Variants in RCC2 observed in about 807,000 individuals in gnomAD.
RCC2 encodes protein RCC2.
In RCC2, 19 loss-of-function variants were observed where a neutral mutation model predicts 64.1. That is an observed-to-expected ratio of 0.30 (90% CI 0.21 to 0.44). RCC2 has a LOEUF of 0.44. RCC2 is among the 20% of genes least tolerant of loss of function. RCC2 has a pLI of 1.00. For missense variants in RCC2, 508 were observed against 710.4 expected (o/e 0.72, Z 3.24); for synonymous variants, 325 against 279.6 (o/e 1.16, Z -1.62).
At position 17,413,561 on chromosome 1, in the gene RCC2, A is replaced by C. The variant is rs765036263; in HGVS notation, c.1183T>G (p.Cys395Gly). 9 of 1,613,930 alleles carry C rather than the reference A, an allele frequency of 5.6e-6. No individual in the cohort carries two copies. Among genetic ancestry groups the C allele is most frequent in the Middle Eastern group, 1.6e-4 (1 of 6,080 alleles). The change falls in exon 9 of 13, where the codon TGC (cysteine) becomes GGC (glycine). Residue 395 changes from cysteine (C) to glycine (G), a missense_variant. This residue lies in a region of RCC2 where 179 missense variants were observed against 322.0 expected (regional missense o/e 0.56). Transcript: ENST00000375436. ...CCCACTTCACTGACAGCAAAGGAGC[A>C]GGTGTAACCAGCATAGATCTGGGAA... is the stretch of plus-strand genomic sequence containing the variant. ...GASQIYAGYT[C>G]SFAVSEVGGL...
intron 2 of RCC2, among the ~76,000 whole-genome samples, chr1:17,430,389 G>GTCCCAGTTA (rs925150704): frequency 9.2e-5 from 14 of 152,054 alleles, no homozygotes; most frequent in African/African-American, 3.4e-4. Context: ...TACTTGGGAG[G>GTCCCAGTTA]CTGAGGTGGG....
intron 11 of RCC2, among the ~76,000 whole-genome samples, chr1:17,411,113 G>C (rs1007387305): frequency 1.3e-5 from 2 of 152,074 alleles, no homozygotes; most frequent in African/African-American, 4.8e-5. Flanking sequence ...AACCACAAGA[G>C]TACCTTGCAA....
chr1:17,435,402 G>A (rs947608114), intron 2 of RCC2, among the ~76,000 whole-genome samples: 8 of 152,330 alleles, frequency 5.3e-5, no homozygotes, highest in Middle Eastern at 3.4e-3. Flanking sequence ...AACCCTGAGC[G>A]GGGCAAGGCA....
At chr1:17,434,015 G>A (rs758213850) in intron 2 of RCC2, among the ~76,000 whole-genome samples, 8 of 152,290 alleles carry the variant, frequency 5.3e-5, no homozygotes, top group East Asian at 1.9e-4. Flanking sequence ...AAAGACCTGG[G>A]CAGCTTGCAA....
chr1:17,412,324 T>C (rs1159600982), intron 10 of RCC2, 130 bp from the exon 11 acceptor site: 3 of 735,814 alleles, frequency 4.1e-6, no homozygotes, highest in Admixed American at 2.7e-5. Context: ...GCAAACACAA[T>C]AACAGGGCCA....
chr1:17,423,351 G>A (rs2075576462), intron 4 of RCC2, among the ~76,000 whole-genome samples: 1 of 152,186 alleles, frequency 6.6e-6, no homozygotes, highest in African/African-American at 2.4e-5. Flanking sequence ...TGTAAATGGT[G>A]CTCACATAAC....
At chr1:17,425,786 C>T (rs2075609126) in intron 3 of RCC2, 102 bp from the exon 4 acceptor site, 1 of 1,264,920 alleles carries the variant, frequency 7.9e-7, no homozygotes, top group Non-Finnish European at 1.1e-6. Flanking sequence ...GTACCAGGGA[C>T]AGGTGTTCCT....
intron 11 of RCC2, among the ~76,000 whole-genome samples, chr1:17,410,949 G>T (rs2075418482): frequency 6.6e-6 from 1 of 152,106 alleles, no homozygotes; most frequent in African/African-American, 2.4e-5. Flanking sequence ...GCCAGGCTCT[G>T]TCTCTTTCCT....
In RCC2 at chr1:17,432,207, C is replaced by T. The variant is rs371074037; in HGVS notation, c.286-3008G>A. 5.3e-5 allele frequency among the ~76,000 whole-genome samples: 8 copies of T among 152,344 alleles called. No homozygotes were observed. The East Asian group carries it at 1.5e-3, about 29-fold the overall frequency. Reference sequence around the variant, plus strand: ...TAATCAGAGGGTGGCCCAGCCCCTGCAGCACCCACAACTCAGGTTACTTGA... The same window carrying T: ...TAATCAGAGGGTGGCCCAGCCCCTGTAGCACCCACAACTCAGGTTACTTGA... On this transcript the variant is annotated intron_variant, in intron 2 of 12. Transcript: ENST00000375436.
rs564060392 is a variant in RCC2 at position 17,425,517 on chromosome 1, G to A, written c.523+24C>T. On this transcript the variant is annotated intron_variant, in intron 4 of 12. Coordinates refer to ENST00000375436, the MANE Select transcript of RCC2 (RefSeq NM_018715.4). ...ACAGCTGGTGACAGTGGTCCCCAGT[G>A]CCCAGCACCCGCACGGTACTCACCC... 1.2e-5 allele frequency: 19 copies of A among 1,576,174 alleles called. 1 individual carries two copies. Among genetic ancestry groups the A allele is most frequent in the South Asian group, 7.9e-5 (7 of 88,232 alleles).
Position 17,438,381 on chromosome 1 carries a change from C to A in RCC2, c.134G>T (p.Ser45Ile). ...KRERPERCSS[S>I]SGGGSSGDED... ...GTCGCCGCTGCTGCCGCCGCCGCTGCTGCTACTGCAGCGCTCGGGCCGCTC... is the reference window on the plus strand; with the variant it reads ...GTCGCCGCTGCTGCCGCCGCCGCTGATGCTACTGCAGCGCTCGGGCCGCTC... Residue 45 changes from serine (S) to isoleucine (I), a missense_variant, in exon 2 of 13, where the codon AGC becomes ATC. Ser to Ile is a moderately radical substitution (Grantham distance 142). Around this residue, in one of 4 missense-constraint regions of RCC2, gnomAD observed 195 missense variants for 158.3 expected, o/e 1.23. Transcript: ENST00000375436. 1 of 1,252,228 alleles carries A rather than the reference C, an allele frequency of 8.0e-7. No homozygotes were observed. The highest frequency in any genetic ancestry group is 3.3e-5 in the South Asian group (1 of 29,992). 77.6% of individuals were successfully genotyped at this position (1,252,228 alleles called of 1,614,324 possible).
At chr1:17,413,002 A>ACCC (rs1255415891) in intron 10 of RCC2, 71 bp downstream of exon 10, 4 of 1,130,058 alleles carry the variant, frequency 3.5e-6, no homozygotes, top group Non-Finnish European at 5.3e-6. Flanking sequence ...AGGGAGGGGC[A>ACCC]CCCCATGGGT....
chr1:17,419,814 A>G (rs1570184077), intron 7 of RCC2, among the ~76,000 whole-genome samples: 1 of 152,136 alleles, frequency 6.6e-6, no homozygotes, highest in Admixed American at 6.5e-5. Context: ...GGCCATGGAA[A>G]CCGCTCTCCA....
chr1:17,423,873 C>T (rs2075584119), intron 4 of RCC2, among the ~76,000 whole-genome samples: 1 of 152,232 alleles, frequency 6.6e-6, no homozygotes. Context: ...TGAGTTCCAG[C>T]TGTCCTGGAG....
intron 2 of RCC2, among the ~76,000 whole-genome samples, chr1:17,431,630 A>G (rs1051191787): frequency 6.6e-6 from 1 of 151,556 alleles, no homozygotes; most frequent in Admixed American, 6.6e-5. Context: ...CATTTCTAAG[A>G]TTACACATCT....
intron 2 of RCC2, among the ~76,000 whole-genome samples, chr1:17,437,350 C>G (rs1463524332): frequency 6.6e-6 from 1 of 152,180 alleles, no homozygotes; most frequent in African/African-American, 2.4e-5. Context: ...AAACTTAGAC[C>G]CTCTTCTGAA....
intron 2 of RCC2, 26 bp from the exon 3 acceptor site, chr1:17,429,225 G>C (rs1360490075): frequency 6.3e-7 from 1 of 1,576,706 alleles, no homozygotes; most frequent in East Asian, 2.2e-5. Flanking sequence ...AAGGAAAAAA[G>C]AATTAGTGTG....
chr1:17,435,823 CAGA>C (rs1345359578), intron 2 of RCC2, among the ~76,000 whole-genome samples: 1 of 150,014 alleles, frequency 6.7e-6, no homozygotes, highest in Non-Finnish European at 1.5e-5. Flanking sequence ...GAGGCTGAGG[CAGA>C]AGAATTGCTT....
rs563197897 is a variant in RCC2 at position 17,411,305 on chromosome 1, A to G, written c.1386+817T>C. Reference sequence around the variant, plus strand: ...TCAAAGACCCGCCTTGGCCAGGTGCAGTGGCTCACGCCTGTAATCCCAGCA... The same window carrying G: ...TCAAAGACCCGCCTTGGCCAGGTGCGGTGGCTCACGCCTGTAATCCCAGCA... On this transcript the variant is annotated intron_variant, in intron 11 of 12. Coordinates refer to ENST00000375436, the MANE Select transcript of RCC2 (RefSeq NM_018715.4). Among the ~76,000 whole-genome samples, 116 of 152,316 alleles carry G rather than the reference A, an allele frequency of 7.6e-4. 1 individual carries two copies. Among genetic ancestry groups the G allele is most frequent in the African/African-American group, 2.7e-3 (112 of 41,566 alleles).
Sources: allele counts gnomAD v4.1 joint callset (sites outside exome capture counted in the v4.1 genomes callset), GRCh38; gene constraint gnomAD v4.1.1; regional missense constraint gnomAD v4.1.1; transcripts MANE v1.5; gene names NCBI Gene and HGNC (gene_info 2026-07-23, HGNC 2026-07-21).